Variants in RIF1 observed in about 807,000 individuals in gnomAD.
The protein encoded by RIF1 is telomere-associated protein RIF1.
A neutral mutation model predicts 247.1 loss-of-function variants in RIF1; 45 were observed. That is an observed-to-expected ratio of 0.18 (90% CI 0.14 to 0.23). RIF1 has a LOEUF of 0.23. Ranked by LOEUF, RIF1 falls within the 10% of genes least tolerant of loss-of-function variation. RIF1 has a pLI of 1.00. For synonymous variants in RIF1, 1,087 were observed against 978.8 expected (o/e 1.11, Z -2.06); for missense variants, 2,967 against 2,862.5 (o/e 1.04, Z -0.83).
In RIF1 at chr2:151,414,717, G is replaced by A. The variant is rs551768819; in HGVS notation, c.184-106G>A. ...TTTTTATGCGTATTCTCAAGGATTTGTTGGAGTAACATGATGAATATGCTT... is the reference window on the plus strand; with the variant it reads ...TTTTTATGCGTATTCTCAAGGATTTATTGGAGTAACATGATGAATATGCTT... On this transcript the variant is annotated intron_variant, in intron 3 of 35. Transcript: ENST00000444746. 3 of 690,228 alleles carry A rather than the reference G, an allele frequency of 4.3e-6. No individual in the cohort carries two copies. In the South Asian group the frequency reaches 5.8e-5, roughly 13 times the overall value. The allele number at this position is 690,228 out of a possible 1,614,324, so 42.8% of individuals were successfully genotyped here.
chr2:151,428,848 G>C lies in RIF1; in HGVS notation c.851G>C (p.Ser284Thr). 1.3e-6 allele frequency: 2 copies of C among 1,568,194 alleles called. No homozygotes were observed. The highest frequency in any genetic ancestry group is 1.8e-6 in the Non-Finnish European group (2 of 1,138,412). ...CAACTAGAAGAACTTGGATTTCGTAGTGGAGCACCCATGATTAAAAAGATA... is the reference window on the plus strand; with the variant it reads ...CAACTAGAAGAACTTGGATTTCGTACTGGAGCACCCATGATTAAAAAGATA... ...LLQLEELGFR[S>T]GAPMIKKIAF... The change falls in exon 9 of 36, where the codon AGT (serine) becomes ACT (threonine). Residue 284 changes from serine to threonine, a missense_variant. Physicochemically the swap from Ser to Thr is moderately conservative, Grantham distance 58. Transcript: ENST00000444746.
chr2:151,494,112 AAG>A (rs534213069), intron 9 of RIF1: 28 of 1,479,444 alleles, frequency 1.9e-5, no homozygotes, highest in Non-Finnish European at 2.4e-5. Flanking sequence ...GCCAAACTGC[AAG>A]AGTTATTTTG....
chr2:151,436,540 CAAAA>C (rs561444176), intron 11 of RIF1, among the ~76,000 whole-genome samples: 6 of 60,830 alleles, frequency 9.9e-5, no homozygotes, highest in Admixed American at 1.8e-4. Context: ...GACTCTGTCT[CAAAA>C]AAAAAAAAAA....
Position 151,474,007 on chromosome 2 carries a change from C to A in RIF1, c.7139C>A (p.Ser2380Tyr). The A allele has an allele frequency of 6.3e-7, 1 of 1,597,322 alleles. No individual in the cohort carries two copies. The highest frequency in any genetic ancestry group is 8.6e-7 in the Non-Finnish European group (1 of 1,166,830). Reference sequence around the variant, plus strand: ...GAAGAGATTCCAGTTTTTGATATTTCTGAAAAAACAGTAAATGGAATAGAA... The same window carrying A: ...GAAGAGATTCCAGTTTTTGATATTTATGAAAAAACAGTAAATGGAATAGAA... The part of the protein sequence containing the change: ...GLEEIPVFDI[S>Y]EKTVNGIENK... The change falls in exon 35 of 36, where the codon TCT becomes TAT. Residue 2380 changes from serine to tyrosine, a missense_variant. By Grantham distance (144) the Ser-to-Tyr change is moderately radical (BLOSUM62 -2). Transcript: ENST00000444746.
intron 9 of RIF1, chr2:151,493,308 A>G: frequency 7.1e-7 from 1 of 1,412,422 alleles, no homozygotes; most frequent in Admixed American, 1.8e-5. Flanking sequence ...TTAAAATGTT[A>G]TTTTCCAAGT....
Position 151,464,302 on chromosome 2 carries a change from T to C in RIF1, c.4782T>C (p.Cys1594=). 4.3e-6 allele frequency: 7 copies of C among 1,612,510 alleles called. No individual in the cohort carries two copies. The highest frequency in any genetic ancestry group is 5.9e-6 in the Non-Finnish European group (7 of 1,179,676). Residue 1594 remains cysteine (C), a synonymous_variant, in exon 30 of 36, where the codon TGT becomes TGC. Coordinates refer to ENST00000444746, the MANE Select transcript of RIF1 (RefSeq NM_018151.5). The part of the protein sequence containing the change: ...DQEEKVVKQE[C]IKAENQSHDY... ...AAGAGAAAGTGGTGAAACAGGAATG[T>C]ATAAAAGCTGAAAATCAGTCACATG...
chr2:151,420,526 A>T (rs1409254723), intron 7 of RIF1, 147 bp downstream of exon 7: 11 of 694,574 alleles, frequency 1.6e-5, no homozygotes, highest in Non-Finnish European at 2.6e-5. Context: ...GCTTGAGGCC[A>T]GGAGTTCCAG....
Position 151,464,374 on chromosome 2 carries a change from T to C in RIF1, c.4854T>C (p.Ile1618=), listed in dbSNP as rs1696611963. ...SEEDVSIKSP[I]CEKQDESNTV... The stretch of plus-strand genomic sequence containing the variant: ...AAGATGTAAGCATAAAATCTCCGAT[T>C]TGCGAAAAACAAGATGAAAGTAATA... The change falls in exon 30 of 36, where the codon ATT becomes ATC. Residue 1618 remains isoleucine (I), a synonymous_variant. Coordinates refer to ENST00000444746, the MANE Select transcript of RIF1 (RefSeq NM_018151.5). 1 of 1,609,818 alleles carries C rather than the reference T, an allele frequency of 6.2e-7. No homozygotes were observed. The highest frequency in any genetic ancestry group is 2.2e-5 in the East Asian group (1 of 44,868).
At chr2:151,450,383 T>G (rs2432946) in intron 20 of RIF1, among the ~76,000 whole-genome samples, 60,344 of 151,868 alleles carry the variant, frequency 0.4, 12,137 homozygotes, top group African/African-American at 0.43. Flanking sequence ...ATCTCCCTGA[T>G]TATGAATTTG....
At position 151,433,156 on chromosome 2, in the gene RIF1, A is replaced by G. The variant is rs1423375656; in HGVS notation, c.1005A>G (p.Ala335=). Residue 335 remains alanine (A), a synonymous_variant, in exon 10 of 36, where the codon GCA becomes GCG. Transcript: ENST00000444746. ...TCCATGTGAGAACAGAAACTCTAGC[A>G]TTAACAAAACTAGAAGTCTGGTGGT... ...SSIHVRTETL[A]LTKLEVWWYL... The G allele has an allele frequency of 6.2e-7, 1 of 1,612,850 alleles. No individual in the cohort carries two copies. The highest frequency in any genetic ancestry group is 8.5e-7 in the Non-Finnish European group (1 of 1,179,024).
At chr2:151,523,733 T>G in the RIF1 span, among the ~76,000 whole-genome samples, 1 of 152,224 alleles carries the variant, frequency 6.6e-6, no homozygotes, top group Non-Finnish European at 1.5e-5. Flanking sequence ...ATATGAGATC[T>G]GCAAGAATGT....
intron 9 of RIF1, among the ~76,000 whole-genome samples, chr2:151,432,210 A>G (rs982109689): frequency 6.6e-6 from 1 of 152,078 alleles, no homozygotes. Flanking sequence ...GGATTTCACC[A>G]TGTTGGTCAG....
chr2:151,442,403 A>G (rs1199227776), intron 16 of RIF1, among the ~76,000 whole-genome samples: 1 of 151,738 alleles, frequency 6.6e-6, no homozygotes, highest in Non-Finnish European at 1.5e-5. Context: ...AAAAAAAAAA[A>G]AAGAAAGATG....
chr2:151,467,261 TACTCTTATTCA>T (rs1376696976), intron 30 of RIF1, among the ~76,000 whole-genome samples: 57 of 152,292 alleles, frequency 3.7e-4, no homozygotes, highest in Non-Finnish European at 6.9e-4. Flanking sequence ...AAATCCCTGT[TACTCTTATTCA>T]TGTGTCTGAA....
chr2:151,416,914 A>T lies in RIF1; in HGVS notation c.503+13A>T, dbSNP rs540948807. On this transcript the variant is annotated intron_variant, in intron 6 of 35. Coordinates refer to ENST00000444746, the MANE Select transcript of RIF1 (RefSeq NM_018151.5). ...ATGTTATCGTAAGGTATGCATTTGG[A>T]TGTTGTGCAAATTGAAGAATAGTTT... The T allele has an allele frequency of 6.4e-7, 1 of 1,573,144 alleles. No homozygotes were observed. The highest frequency in any genetic ancestry group is 1.1e-5 in the South Asian group (1 of 87,104).
At chr2:151,531,237 TCTG>T in the RIF1 span, 1 of 628,674 alleles carries the variant, frequency 1.6e-6, no homozygotes, top group South Asian at 1.9e-5. Flanking sequence ...TTTCATGCTC[TCTG>T]CTAAGACTTC....
chr2:151,416,474 T>G, intron 4 of RIF1, 87 bp from the exon 5 acceptor site: 5 of 1,157,450 alleles, frequency 4.3e-6, no homozygotes, highest in African/African-American at 1.6e-5. Flanking sequence ...TTATGATTGA[T>G]GAGTATATTG....
At chr2:151,525,132 G>T in the RIF1 span, 1 of 1,469,178 alleles carries the variant, frequency 6.8e-7, no homozygotes, top group Non-Finnish European at 9.5e-7. Flanking sequence ...CTTCAAATGG[G>T]CCCCCAAGAG....
At chr2:151,488,271 T>A (rs1406557544) in intron 9 of RIF1, among the ~76,000 whole-genome samples, 2 of 152,164 alleles carry the variant, frequency 1.3e-5, no homozygotes, top group Non-Finnish European at 2.9e-5. Context: ...TAGAAACATT[T>A]AAAATTTTAT....
Sources: allele counts gnomAD v4.1 joint callset (sites outside exome capture counted in the v4.1 genomes callset), GRCh38; gene constraint gnomAD v4.1.1; transcripts MANE v1.5; gene names NCBI Gene and HGNC (gene_info 2026-07-23, HGNC 2026-07-21).